NAV1: variants seen among roughly 807,000 people sequenced by gnomAD.
The protein encoded by NAV1 is pore membrane and/or filament interacting like protein 3.
Under a neutral mutation model 175.2 loss-of-function variants are expected in NAV1, and 18 were observed. The observed-to-expected ratio is 0.10, with a 90% CI of 0.07 to 0.15. NAV1 has a LOEUF of 0.15. Ranked by LOEUF, NAV1 falls within the 10% of genes least tolerant of loss-of-function variation. The pLI is 1.00. For missense variants in NAV1, 1,731 were observed against 2,436.6 expected, an observed-to-expected ratio of 0.71 and a Z score of 6.10; for synonymous variants, 897 against 978.7, an observed-to-expected ratio of 0.92 and a Z score of 1.56.
At chr1:201,784,692 G>A (rs561380591) in intron 7 of NAV1, among the ~76,000 whole-genome samples, 1 of 150,644 alleles carries the variant, frequency 6.6e-6, no homozygotes, top group East Asian at 2.0e-4. Flanking sequence ...TCATGCCACT[G>A]TCCCTAGTGC....
upstream of NAV1, among the ~76,000 whole-genome samples, chr1:201,619,248 G>T (rs1442836444): frequency 7.9e-5 from 12 of 152,240 alleles, no homozygotes; most frequent in African/African-American, 2.7e-4. Context: ...CAGCCTTAGG[G>T]CTCTTTTAGC....
At chr1:201,667,495 A>C (rs1179975845) in intron 1 of NAV1, among the ~76,000 whole-genome samples, 1 of 152,162 alleles carries the variant, frequency 6.6e-6, no homozygotes, top group Non-Finnish European at 1.5e-5. Context: ...GCCCAAGTCC[A>C]CCCAGCCGGT....
chr1:201,553,247 G>A (rs923223098), intron 1 of NAV1, among the ~76,000 whole-genome samples: 1 of 152,362 alleles, frequency 6.6e-6, no homozygotes, highest in African/African-American at 2.4e-5. Flanking sequence ...ATACCTCTGT[G>A]GTGAAGGCCT....
chr1:201,661,812 G>A (rs1246612241), intron 1 of NAV1, among the ~76,000 whole-genome samples: 1 of 152,180 alleles, frequency 6.6e-6, no homozygotes, highest in Admixed American at 6.5e-5. Context: ...ATTTCCCAGA[G>A]TGCTGCATCT....
chr1:201,698,575 A>T (rs1671284265), intron 1 of NAV1, among the ~76,000 whole-genome samples: 1 of 152,222 alleles, frequency 6.6e-6, no homozygotes, highest in Admixed American at 6.5e-5. Context: ...TACATAGAAG[A>T]CTGCAAAGGC....
At chr1:201,733,270 C>T (rs2102528743) in intron 3 of NAV1, 1 of 152,156 alleles carries the variant, frequency 6.6e-6, no homozygotes, top group African/African-American at 2.4e-5. Context: ...GTCCCAGCTA[C>T]TTGGGAGGCT....
chr1:201,569,385 G>A (rs116283544), intron 1 of NAV1, among the ~76,000 whole-genome samples: 2,084 of 152,278 alleles, frequency 0.014, 50 homozygotes, highest in African/African-American at 0.047. Context: ...TTTAATGTCC[G>A]AAATTAACAT....
intron 2 of NAV1, among the ~76,000 whole-genome samples, chr1:201,635,644 G>A (rs532922482): frequency 6.6e-6 from 1 of 152,300 alleles, no homozygotes; most frequent in South Asian, 2.1e-4. Flanking sequence ...CGCCCTGAGT[G>A]CTTGAATAGA....
At chr1:201,563,025 G>C (rs1482147767) in intron 1 of NAV1, among the ~76,000 whole-genome samples, 2 of 152,324 alleles carry the variant, frequency 1.3e-5, no homozygotes, top group South Asian at 2.1e-4. Context: ...TGCCAGAGTG[G>C]GTGGTTATGA....
intron 1 of NAV1, among the ~76,000 whole-genome samples, chr1:201,629,119 G>A (rs1216979653): frequency 6.6e-6 from 1 of 152,188 alleles, no homozygotes; most frequent in Non-Finnish European, 1.5e-5. Context: ...AAGTGATAAC[G>A]TTCCTGGGAA....
At chr1:201,593,155 G>A (rs983876675) in intron 2 of NAV1, among the ~76,000 whole-genome samples, 2 of 152,194 alleles carry the variant, frequency 1.3e-5, no homozygotes, top group African/African-American at 4.8e-5. Flanking sequence ...GGGATGTGGG[G>A]TGGGAATAGG....
At chr1:201,639,101 A>G (rs1389088881) in intron 2 of NAV1, among the ~76,000 whole-genome samples, 1 of 152,182 alleles carries the variant, frequency 6.6e-6, no homozygotes, top group Non-Finnish European at 1.5e-5. Flanking sequence ...AATTCATATA[A>G]CAGAAGGCAT....
chr1:201,713,442 C>T lies in NAV1; in HGVS notation c.860+523C>T, dbSNP rs147133259. Among the ~76,000 whole-genome samples the T allele has an allele frequency of 9.3e-4, 141 of 152,340 alleles. 1 individual carries two copies. Among genetic ancestry groups the T allele is most frequent in the Admixed American group, 4.6e-3 (70 of 15,306 alleles). On this transcript the variant is annotated intron_variant, in intron 2 of 29. Transcript: ENST00000367296. Reference sequence around the variant, plus strand: ...TCAACAGGGCCCACACAGTGTCACCCAGCTCCATGCCCTGTTAGGTGTGTC... The same window carrying T: ...TCAACAGGGCCCACACAGTGTCACCTAGCTCCATGCCCTGTTAGGTGTGTC...
At chr1:201,566,300 G>A (rs549007941) in intron 1 of NAV1, among the ~76,000 whole-genome samples, 5 of 152,104 alleles carry the variant, frequency 3.3e-5, no homozygotes, top group Admixed American at 2.6e-4. Context: ...AGGCCTGCTC[G>A]AGGCTCACCG....
intron 2 of NAV1, among the ~76,000 whole-genome samples, chr1:201,591,519 A>C (rs1041086075): frequency 6.6e-6 from 1 of 152,188 alleles, no homozygotes; most frequent in East Asian, 1.9e-4. Flanking sequence ...CAGGCCTGGC[A>C]TATAGAAGGA....
chr1:201,639,054 G>C (rs76039514), intron 2 of NAV1, among the ~76,000 whole-genome samples: 1 of 152,220 alleles, frequency 6.6e-6, no homozygotes, highest in Non-Finnish European at 1.5e-5. Flanking sequence ...GGAGGAGGTG[G>C]CTCTGAAGCT....
At chr1:201,664,963 C>T (rs890866751) in intron 1 of NAV1, among the ~76,000 whole-genome samples, 3 of 152,192 alleles carry the variant, frequency 2.0e-5, no homozygotes, top group Non-Finnish European at 1.5e-5. Flanking sequence ...TCAGGTCCTG[C>T]CTGTGTGTGC....
At chr1:201,785,565 A>G (rs1163002000) in intron 8 of NAV1, among the ~76,000 whole-genome samples, 1 of 152,000 alleles carries the variant, frequency 6.6e-6, no homozygotes, top group Non-Finnish European at 1.5e-5. Flanking sequence ...TTTTTTGGTG[A>G]CAGGGGAGAA....
intron 1 of NAV1, among the ~76,000 whole-genome samples, chr1:201,696,112 G>A (rs987892793): frequency 6.6e-6 from 1 of 152,206 alleles, no homozygotes; most frequent in Non-Finnish European, 1.5e-5. Context: ...CAGGTAGTGG[G>A]GACAGGGCAG....
Sources: gnomAD v4.1 joint callset for allele counts (sites outside exome capture counted in the v4.1 genomes callset) on GRCh38, gnomAD v4.1.1 for gene constraint, MANE v1.5 for transcripts, NCBI Gene and HGNC (gene_info 2026-07-23, HGNC 2026-07-21) for gene names.